ADAD1: variants seen among roughly 807,000 people sequenced by gnomAD.
ADAD1 encodes the protein adenosine deaminase domain-containing protein 1.
Under a neutral mutation model 66.8 loss-of-function variants are expected in ADAD1, and 46 were observed. The observed-to-expected ratio is 0.69, with a 90% CI of 0.54 to 0.88. The LOEUF is 0.88. Ranked by LOEUF, ADAD1 falls within the 40% of genes least tolerant of loss-of-function variation. The pLI, the probability that ADAD1 is intolerant of heterozygous loss-of-function variation, is 0.00. For synonymous variants in ADAD1, 248 were observed against 229.4 expected (o/e 1.08, Z -0.73); for missense variants, 617 against 681.8 (o/e 0.91, Z 1.06).
chr4:122,396,426 A>G (rs1415826233), intron 7 of ADAD1, 49 bp downstream of exon 7: 2 of 1,447,324 alleles, frequency 1.4e-6, no homozygotes, highest in South Asian at 2.8e-5. Context: ...ATCTAATAGT[A>G]ATATTTTAGT....
intron 11 of ADAD1, among the ~76,000 whole-genome samples, chr4:122,415,906 G>C (rs977809272): frequency 2.6e-5 from 4 of 152,002 alleles, no homozygotes; most frequent in African/African-American, 9.7e-5. Context: ...GCTCCATAAC[G>C]TATGTTTCTC....
chr4:122,385,778 G>C (rs1169630089), intron 5 of ADAD1, among the ~76,000 whole-genome samples: 1 of 152,128 alleles, frequency 6.6e-6, no homozygotes, highest in African/African-American at 2.4e-5. Flanking sequence ...CCACTTATGA[G>C]TGAGAACTTC....
Position 122,429,734 on chromosome 4 carries a change from A to G in ADAD1, c.1726A>G (p.Met576Val), listed in dbSNP as rs377102228. The G allele has an allele frequency of 1.0e-4, 159 of 1,595,012 alleles. No individual in the cohort carries two copies. Among genetic ancestry groups the G allele is most frequent in the Non-Finnish European group, 1.3e-4 (156 of 1,164,674 alleles). ...ATCTCCCTGCATAGAGCAATTTAAC[A>G]TGTGAAATAGGCAATCCATTATCAC... The part of the protein sequence containing the change: ...VKSPCIEQFN[M>V] The change falls in exon 13 of 13, where the codon ATG (methionine) becomes GTG (valine). Residue 576 changes from methionine to valine, a missense_variant. Physicochemically the swap from Met to Val is conservative, Grantham distance 21 (BLOSUM62 1). Transcript: ENST00000296513.
At chr4:122,395,607 G>C (rs1795670028) in intron 6 of ADAD1, among the ~76,000 whole-genome samples, 1 of 151,860 alleles carries the variant, frequency 6.6e-6, no homozygotes, top group Non-Finnish European at 1.5e-5. Flanking sequence ...CTTGAACCCG[G>C]GAGGCCGAGA....
chr4:122,392,881 A>G (rs150141759), intron 5 of ADAD1, among the ~76,000 whole-genome samples: 1 of 152,298 alleles, frequency 6.6e-6, no homozygotes, highest in East Asian at 1.9e-4. Context: ...CTCTAAGGTG[A>G]CATTGTCACT....
chr4:122,418,568 C>T (rs1255744854), intron 11 of ADAD1, among the ~76,000 whole-genome samples: 16 of 151,970 alleles, frequency 1.1e-4, no homozygotes, highest in African/African-American at 2.4e-4. Flanking sequence ...ATGATCCGCC[C>T]GCCTTGGCCT....
rs1797378567 is a variant in ADAD1 at position 122,428,821 on chromosome 4, A to C, written c.1618-805A>C. Among the ~76,000 whole-genome samples the C allele has an allele frequency of 3.3e-5, 5 of 152,260 alleles. No individual in the cohort carries two copies. In the South Asian group the frequency reaches 1.0e-3, roughly 32 times the overall value. ...GAGGGATTTGTTTCACAACTGGACT[A>C]TGCTGATATTTACATGCCTCTATGA... is the stretch of plus-strand genomic sequence containing the variant. On this transcript the variant is annotated intron_variant, in intron 12 of 12. Coordinates refer to ENST00000296513, the MANE Select transcript of ADAD1 (RefSeq NM_139243.4).
chr4:122,401,404 T>C lies in ADAD1; in HGVS notation c.724+5027T>C, dbSNP rs1795970765. ...TTTCTTAAATTTACTGAGACTTGTT[T>C]TGTGACCTGTCATATGGTGTATCTG... On this transcript the variant is annotated intron_variant, in intron 7 of 12. Coordinates refer to ENST00000296513, the MANE Select transcript of ADAD1 (RefSeq NM_139243.4). 2.0e-5 allele frequency among the ~76,000 whole-genome samples: 3 copies of C among 152,300 alleles called. No homozygotes were observed. The South Asian group carries it at 6.2e-4, about 32-fold the overall frequency.
At chr4:122,406,183 C>T (rs1213064313) in intron 7 of ADAD1, among the ~76,000 whole-genome samples, 1 of 152,156 alleles carries the variant, frequency 6.6e-6, no homozygotes, top group African/African-American at 2.4e-5. Flanking sequence ...TAAAAATTTA[C>T]ATTTCTGCCA....
chr4:122,409,318 T>G (rs1384985552), intron 8 of ADAD1, among the ~76,000 whole-genome samples: 1 of 152,212 alleles, frequency 6.6e-6, no homozygotes, highest in Non-Finnish European at 1.5e-5. Context: ...CTTTTGGTTA[T>G]TTTTTGTTTT....
chr4:122,393,525 A>C, intron 5 of ADAD1, 64 bp from the exon 6 acceptor site: 1 of 1,437,114 alleles, frequency 7.0e-7, no homozygotes, highest in Non-Finnish European at 9.3e-7. Flanking sequence ...ACAGAATAAA[A>C]GAAATACCAG....
intron 6 of ADAD1, 127 bp downstream of exon 6, chr4:122,393,784 T>C: frequency 1.6e-6 from 1 of 630,586 alleles, no homozygotes; most frequent in South Asian, 4.8e-5. Context: ...CCTTTCACAC[T>C]TCTACAAAAA....
intron 5 of ADAD1, among the ~76,000 whole-genome samples, chr4:122,389,656 T>C (rs1241894102): frequency 6.6e-6 from 1 of 152,224 alleles, no homozygotes; most frequent in Non-Finnish European, 1.5e-5. Flanking sequence ...AAGTCTGTTT[T>C]GTCAGAGACT....
intron 5 of ADAD1, among the ~76,000 whole-genome samples, chr4:122,391,133 T>A (rs1248862028): frequency 6.6e-6 from 1 of 152,192 alleles, no homozygotes; most frequent in Admixed American, 6.5e-5. Context: ...GCAAGGCTGC[T>A]GCAGTCTGTT....
intron 7 of ADAD1, among the ~76,000 whole-genome samples, chr4:122,400,057 A>G (rs867125125): frequency 2.6e-5 from 4 of 152,004 alleles, no homozygotes; most frequent in South Asian, 4.1e-4. Context: ...AAATGATGAG[A>G]GAAGGCATCC....
chr4:122,417,155 C>G (rs532876201), intron 11 of ADAD1, among the ~76,000 whole-genome samples: 33 of 151,758 alleles, frequency 2.2e-4, no homozygotes, highest in Admixed American at 2.0e-4. Context: ...ACCAATATGG[C>G]GAAACCCCAT....
At chr4:122,395,574 G>A (rs1165889760) in intron 6 of ADAD1, among the ~76,000 whole-genome samples, 1 of 151,894 alleles carries the variant, frequency 6.6e-6, no homozygotes, top group Non-Finnish European at 1.5e-5. Flanking sequence ...CCAACTACTT[G>A]GGAGGCTGAG....
chr4:122,398,317 G>GGT (rs112075307), intron 7 of ADAD1, among the ~76,000 whole-genome samples: 5,890 of 148,608 alleles, frequency 0.04, 271 homozygotes, highest in African/African-American at 0.11. Flanking sequence ...AGTATTCCAG[G>GGT]GTGTGTGTGT....
rs752936217 is a variant in ADAD1, at chr4:122,408,045, T to G, written c.848+14T>G. The G allele has an allele frequency of 6.3e-7, 1 of 1,599,702 alleles. No individual in the cohort carries two copies. The highest frequency in any genetic ancestry group is 1.1e-5 in the South Asian group (1 of 88,660). ...GTCTCTTCTTAGGTAAGACAATACATATATTAATGTTATTAAATATGAATG... is the reference window on the plus strand; with the variant it reads ...GTCTCTTCTTAGGTAAGACAATACAGATATTAATGTTATTAAATATGAATG... On this transcript the variant is annotated intron_variant, in intron 8 of 12. Transcript: ENST00000296513.
Sources: gnomAD v4.1 joint callset for allele counts (sites outside exome capture counted in the v4.1 genomes callset) on GRCh38, gnomAD v4.1.1 for gene constraint, MANE v1.5 for transcripts, NCBI Gene and HGNC (gene_info 2026-07-23, HGNC 2026-07-21) for gene names.